NEMF: variants seen among roughly 807,000 people sequenced by gnomAD.
NEMF encodes the protein nuclear export mediator factor.
NEMF carries 89 observed loss-of-function variants against 162.2 expected under a neutral mutation model. That is an observed-to-expected ratio of 0.55 (90% CI 0.46 to 0.65). The LOEUF (loss-of-function observed/expected upper bound fraction) is 0.65, where lower values mean the gene tolerates loss of function less well. Among genes scored for constraint, NEMF ranks in the 30% least tolerant of loss-of-function variants. The probability of loss-of-function intolerance (pLI) is 0.00; values close to 1 mark genes in which losing one functional copy is unlikely to be tolerated. For missense variants in NEMF, 1,133 were observed against 1,261.9 expected (o/e 0.90, Z 1.55); for synonymous variants, 421 against 404.5 (o/e 1.04, Z -0.49).
intron 18 of NEMF, among the ~76,000 whole-genome samples, chr14:49,809,030 C>G (rs768336807): frequency 1.3e-5 from 2 of 152,148 alleles, no homozygotes; most frequent in Non-Finnish European, 2.9e-5. Flanking sequence ...ACTGACAACA[C>G]TAAATTCTGG....
In NEMF at chr14:49,800,613, C is replaced by T; in HGVS notation, c.2179G>A (p.Glu727Lys). 6.2e-7 allele frequency: 1 copy of T among 1,614,014 alleles called. No homozygotes were observed. The highest frequency in any genetic ancestry group is 8.5e-7 in the Non-Finnish European group (1 of 1,179,940). Reference sequence around the variant, plus strand: ...CTGCCACTCTGAAGAGTGATATCCTCTTGGTCAACCTGAGTCATGAGTTCT... The same window carrying T: ...CTGCCACTCTGAAGAGTGATATCCTTTTGGTCAACCTGAGTCATGAGTTCT... ...EVELMTQVDQ[E>K]DITLQSGRDE... is the part of the protein sequence containing the mutation. Residue 727 changes from glutamate (E) to lysine (K), a missense_variant, in exon 23 of 33, where the codon GAG (glutamate) becomes AAG (lysine). Transcript: ENST00000298310.
intron 14 of NEMF, 31 bp downstream of exon 14, chr14:49,828,585 T>C (rs755084618): frequency 8.8e-6 from 13 of 1,480,126 alleles, no homozygotes; most frequent in African/African-American, 8.5e-5. Context: ...CAGATAACAC[T>C]TGGCCTAAAA....
intron 3 of NEMF, among the ~76,000 whole-genome samples, chr14:49,846,648 A>T (rs1354111477): frequency 6.6e-6 from 1 of 152,006 alleles, no homozygotes; most frequent in Admixed American, 6.6e-5. Context: ...CATTATTTGT[A>T]GAGACAGGGT....
At chr14:49,819,486 C>G (rs1256734604) in intron 16 of NEMF, among the ~76,000 whole-genome samples, 1 of 151,840 alleles carries the variant, frequency 6.6e-6, no homozygotes, top group Non-Finnish European at 1.5e-5. Flanking sequence ...ACAGTCTTGG[C>G]TCACTGCAAC....
intron 17 of NEMF, 66 bp downstream of exon 17, chr14:49,814,688 C>A: frequency 1.3e-6 from 1 of 779,396 alleles, no homozygotes; most frequent in Non-Finnish European, 2.1e-6. Flanking sequence ...AAAATCAATG[C>A]CTAATATTGA....
intron 26 of NEMF, among the ~76,000 whole-genome samples, chr14:49,792,946 A>G (rs4900957): frequency 0.78 from 118,483 of 152,136 alleles, 46,586 homozygotes; most frequent in East Asian, 0.98. Flanking sequence ...ACACCACTGC[A>G]GTCCAGCCTG....
At chr14:49,842,177 G>C (rs1893247271) in intron 4 of NEMF, among the ~76,000 whole-genome samples, 1 of 146,912 alleles carries the variant, frequency 6.8e-6, no homozygotes, top group African/African-American at 2.5e-5. Flanking sequence ...AAATGTAAAA[G>C]TTAGGGAAAT....
chr14:49,831,435 AT>A (rs11365862), intron 10 of NEMF, 74 bp from the exon 11 acceptor site: 596,318 of 770,042 alleles, frequency 0.77, 230,901 homozygotes, highest in East Asian at 0.96. Context: ...ACAGAATTTT[AT>A]TTTTTTTTTC....
intron 25 of NEMF, chr14:49,797,433 A>C (rs933017161): frequency 2.0e-5 from 3 of 151,708 alleles, no homozygotes; most frequent in Admixed American, 6.6e-5. Flanking sequence ...AGATCGAGAC[A>C]ATCCTGCCTA....
At chr14:49,829,303 AAAGTT>A (rs951130359) in intron 12 of NEMF, 41 bp from the exon 13 acceptor site, 4 of 1,613,048 alleles carry the variant, frequency 2.5e-6, no homozygotes, top group South Asian at 1.1e-5. Context: ...ATTGCCAGTT[AAAGTT>A]AACATTTTTG....
In NEMF at chr14:49,840,451, G is replaced by A. The variant is rs531971314; in HGVS notation, c.506+267C>T. ...CACTCCAGCCTGAGCAACAGAGCGA[G>A]ACTCCATCTCAAAAAAAAAAAAAAC... On this transcript the variant is annotated intron_variant, in intron 5 of 32. Transcript: ENST00000298310. Among the ~76,000 whole-genome samples the A allele has an allele frequency of 3.9e-5, 4 of 102,024 alleles. No homozygotes were observed. In the East Asian group the frequency reaches 8.5e-4, roughly 22 times the overall value. 66.9% of individuals were successfully genotyped at this position (102,024 alleles called of 152,430 possible). A position where few individuals can be genotyped will look rare whatever the true frequency, so the allele number is the denominator to read the frequency against.
Position 49,852,676 on chromosome 14 carries a change from G to C in NEMF, c.59+19C>G, listed in dbSNP as rs750730341. The C allele has an allele frequency of 6.2e-7, 1 of 1,613,916 alleles. No individual in the cohort carries two copies. The highest frequency in any genetic ancestry group is 1.1e-5 in the South Asian group (1 of 91,068). On this transcript the variant is annotated intron_variant, in intron 1 of 32. Transcript: ENST00000298310. ...CTCCTGCACTCCCCACACGAGCCTC[G>C]TCACTTAGGGTACTGTACCTAGCAT...
intron 18 of NEMF, among the ~76,000 whole-genome samples, chr14:49,811,199 CTTTT>C (rs1012625254): frequency 6.6e-6 from 1 of 152,046 alleles, no homozygotes; most frequent in Non-Finnish European, 1.5e-5. Flanking sequence ...GTATTTTATT[CTTTT>C]TAATGCTAAT....
Position 49,782,690 on chromosome 14 carries a change from C to A in NEMF, c.*1946G>T. On this transcript the variant is annotated 3_prime_UTR_variant, in exon 33 of 33. Transcript: ENST00000298310. ...ACTAGGTTTATGGATTATTTAAGGG[C>A]AATAAAACTTCATTGCTATAACCAG... The A allele has an allele frequency of 7.5e-7, 1 of 1,342,182 alleles. No individual in the cohort carries two copies. The highest frequency in any genetic ancestry group is 1.0e-6 in the Non-Finnish European group (1 of 975,070). The allele number at this position is 1,342,182 out of a possible 1,614,324, so 83.1% of individuals were successfully genotyped here. A position where few individuals can be genotyped will look rare whatever the true frequency, so the allele number is the denominator to read the frequency against.
At position 49,799,701 on chromosome 14, in the gene NEMF, G is replaced by A. The variant is rs773479763; in HGVS notation, c.2373-23C>T. The stretch of plus-strand genomic sequence containing the variant: ...GACCTATGAAAATAAACACAAGGGA[G>A]TCTCTACTAGCCTGTAAAAGACATG... On this transcript the variant is annotated intron_variant, in intron 23 of 32. Coordinates refer to ENST00000298310, the MANE Select transcript of NEMF (RefSeq NM_004713.6). 7 of 1,593,998 alleles carry A rather than the reference G, an allele frequency of 4.4e-6. No homozygotes were observed. In the Admixed American group the frequency reaches 8.6e-5, roughly 20 times the overall value.
Position 49,852,721 on chromosome 14 carries a change from G to C in NEMF, c.33C>G (p.Arg11=). MKSRFSTIDL[R]AVLAELNASL... is the part of the protein sequence containing the mutation. ...TAGCATTCAGCTCCGCGAGTACGGC[G>C]CGGAGGTCAATGGTGCTAAAGCGGC... Residue 11 remains arginine, a synonymous_variant, in exon 1 of 33, where the codon CGC becomes CGG. Coordinates refer to ENST00000298310, the MANE Select transcript of NEMF (RefSeq NM_004713.6). 6.2e-7 allele frequency: 1 copy of C among 1,614,238 alleles called. No individual in the cohort carries two copies. The highest frequency in any genetic ancestry group is 8.5e-7 in the Non-Finnish European group (1 of 1,180,048).
In NEMF at chr14:49,782,461, A is replaced by G; in HGVS notation, c.*2175T>C. On this transcript the variant is annotated 3_prime_UTR_variant, in exon 33 of 33. Coordinates refer to ENST00000298310, the MANE Select transcript of NEMF (RefSeq NM_004713.6). ...CTTGCTTGTCCATCACAGAGCTGTA[A>G]GTATACTACCTTCACATTATTACTG... The G allele has an allele frequency of 6.2e-7, 1 of 1,607,744 alleles. No homozygotes were observed.
Position 49,832,208 on chromosome 14 carries a change from T to A in NEMF, c.805A>T (p.Thr269Ser), listed in dbSNP as rs1326024165. ...EADKPVEDIL[T>S]YEEFHPFLFS... ...ATTGACCCATGCCTATATGCTTACG[T>A]CAGTATGTCTTCAACTGGTTTATCT... is the stretch of plus-strand genomic sequence containing the variant. Residue 269 changes from threonine to serine, a missense_variant and splice_region_variant, in exon 9 of 33, where the codon ACG becomes TCG. Physicochemically the swap from Thr to Ser is moderately conservative, Grantham distance 58 (BLOSUM62 1). Around this residue, in one of 3 missense-constraint regions of NEMF, gnomAD observed 582 missense variants for 631.5 expected, o/e 0.92. Coordinates refer to ENST00000298310, the MANE Select transcript of NEMF (RefSeq NM_004713.6). 6.2e-7 allele frequency: 1 copy of A among 1,609,102 alleles called. No homozygotes were observed. Among genetic ancestry groups the A allele is most frequent in the Admixed American group, 1.7e-5 (1 of 59,738 alleles).
intron 5 of NEMF, among the ~76,000 whole-genome samples, chr14:49,838,713 T>C (rs58447658): frequency 0.17 from 25,077 of 151,064 alleles, 2,275 homozygotes; most frequent in Non-Finnish European, 0.2. Context: ...GCCTCCCGAG[T>C]AGCTAGGACT....
Sources: allele counts gnomAD v4.1 joint callset (sites outside exome capture counted in the v4.1 genomes callset), GRCh38; gene constraint gnomAD v4.1.1; regional missense constraint gnomAD v4.1.1; transcripts MANE v1.5; gene names NCBI Gene and HGNC (gene_info 2026-07-23, HGNC 2026-07-21).